The following ZNF570 variants were observed in gnomAD, a reference collection of about 807,000 sequenced individuals.
ZNF570 encodes the protein zinc finger protein 570.
A neutral mutation model predicts 14.2 loss-of-function variants in ZNF570; 8 were observed. The ratio of observed to expected loss-of-function variants is 0.56; its 90% CI spans 0.33 to 1.02. The LOEUF (loss-of-function observed/expected upper bound fraction) is 1.02. Ranked by LOEUF, ZNF570 falls within the 50% of genes least tolerant of loss-of-function variation. The probability of loss-of-function intolerance (pLI) is 0.03; values close to 1 mark genes in which losing one functional copy is unlikely to be tolerated. For synonymous variants in ZNF570, 202 were observed against 207.6 expected (o/e 0.97, Z 0.23); for missense variants, 559 against 624.9 (o/e 0.89, Z 1.12).
At chr19:37,479,076 C>A (rs1008270012) in intron 4 of ZNF570, among the ~76,000 whole-genome samples, 3 of 151,068 alleles carry the variant, frequency 2.0e-5, no homozygotes, top group Non-Finnish European at 3.0e-5. Context: ...TTTGGTAGAA[C>A]TTTGTTCATT....
chr19:37,483,179 T>C (rs2042107436), intron 4 of ZNF570, among the ~76,000 whole-genome samples: 1 of 152,192 alleles, frequency 6.6e-6, no homozygotes. Context: ...TTCTTAATAT[T>C]CCCCAGACAT....
At chr19:37,477,548 G>T (rs1373521736) in intron 4 of ZNF570, among the ~76,000 whole-genome samples, 1 of 151,564 alleles carries the variant, frequency 6.6e-6, no homozygotes. Context: ...CACCATGTTG[G>T]CCACGCTGGT....
chr19:37,476,833 C>T (rs1568766791), intron 4 of ZNF570, among the ~76,000 whole-genome samples: 1 of 151,182 alleles, frequency 6.6e-6, no homozygotes, highest in African/African-American at 2.4e-5. Context: ...ATTCAGCCTT[C>T]CCAGGAGCTG....
At chr19:37,468,708 A>T (rs113781745), upstream of ZNF570, among the ~76,000 whole-genome samples, 9 of 152,096 alleles carry the variant, frequency 5.9e-5, no homozygotes, top group African/African-American at 2.2e-4. Context: ...GGGTTTCACC[A>T]TGTTGGTCAG....
rs4802702 is a variant in ZNF570, at chr19:37,483,897, A to G, written c.275A>G (p.Glu92Gly). 2.9e-4 allele frequency: 466 copies of G among 1,610,596 alleles called. 3 individuals are homozygous for G. In the Admixed American group the frequency reaches 7.5e-3, roughly 26 times the overall value. ...GLCSGWEPIC[E>G]TEELTPKQDF... ...TTTTCAGGCTGGGAGCCTATATGTG[A>G]GACTGAAGAATTAACCCCAAAGCAG... The change falls in exon 5 of 5, where the codon GAG (glutamate) becomes GGG (glycine). Residue 92 changes from glutamate (E) to glycine (G), a missense_variant. Transcript: ENST00000330173.
chr19:37,469,051 TG>T (rs2041904446), upstream of ZNF570: 1 of 994,050 alleles, frequency 1.0e-6, no homozygotes. Flanking sequence ...GCAGAGCGCT[TG>T]TGCCTGCGCA....
In ZNF570 at chr19:37,484,528, CGAATGTAAGGTAT is replaced by C; in HGVS notation, c.908_920del (p.Glu303ValfsTer233). 1 of 1,613,562 alleles carries C rather than the reference CGAATGTAAGGTAT, an allele frequency of 6.2e-7. No homozygotes were observed. The highest frequency in any genetic ancestry group is 2.2e-5 in the East Asian group (1 of 44,836). On this transcript the variant is annotated frameshift_variant, in exon 5 of 5. Transcript: ENST00000330173. LOFTEE classifies it low-confidence loss of function (END_TRUNC). ...GAGTTCATACTGGAGAAAAACCTTA[CGAATGTAAGGTAT>C]GTCGAAAAGCCTTCAGCCAGTTTGC...
rs1464271168 is a variant in ZNF570, at chr19:37,483,936, A to C, written c.314A>C (p.Glu105Ala). 4 of 1,613,480 alleles carry C rather than the reference A, an allele frequency of 2.5e-6. No homozygotes were observed. The highest frequency in any genetic ancestry group is 3.4e-6 in the Non-Finnish European group (4 of 1,179,862). ...ELTPKQDFYE[E>A]HQSQKIIETL... ...ACCCCAAAGCAGGATTTTTATGAAG[A>C]ACATCAATCCCAGAAGATAATAGAA... The change falls in exon 5 of 5, where the codon GAA becomes GCA. Residue 105 changes from glutamate to alanine, a missense_variant. Transcript: ENST00000330173.
At position 37,484,174 on chromosome 19, in the gene ZNF570, C is replaced by A; in HGVS notation, c.552C>A (p.Pro184=). Residue 184 remains proline (P), a synonymous_variant, in exon 5 of 5, where the codon CCC becomes CCA. Transcript: ENST00000330173. ...TGCTTTGTACACAAAAGATAATCCCCAAAGAGGAGAAAGTACATAAACATG... is the reference window on the plus strand; with the variant it reads ...TGCTTTGTACACAAAAGATAATCCCAAAAGAGGAGAAAGTACATAAACATG... The part of the protein sequence containing the change: ...NPLLCTQKII[P]KEEKVHKHDT... The A allele has an allele frequency of 6.2e-7, 1 of 1,613,600 alleles. No homozygotes were observed. Among genetic ancestry groups the A allele is most frequent in the Non-Finnish European group, 8.5e-7 (1 of 1,179,918 alleles).
chr19:37,480,810 G>T (rs902507409), intron 4 of ZNF570, among the ~76,000 whole-genome samples: 1 of 151,870 alleles, frequency 6.6e-6, no homozygotes, highest in South Asian at 2.1e-4. Flanking sequence ...AATTAGCTGG[G>T]TATGGGGTGT....
At chr19:37,473,674 A>G (rs1227226743) in intron 2 of ZNF570, among the ~76,000 whole-genome samples, 2 of 152,110 alleles carry the variant, frequency 1.3e-5, no homozygotes, top group Non-Finnish European at 2.9e-5. Context: ...GAATGACTGT[A>G]GAAGCGTAGA....
rs538424136 is a variant in ZNF570, at chr19:37,483,737, T to C, written c.257-142T>C. On this transcript the variant is annotated intron_variant, in intron 4 of 4. Transcript: ENST00000330173. Reference sequence around the variant, plus strand: ...ATGACCTGTTTTCAGTTTCTCTTCTTGTACACTTCAGAACTGCAAAAGCCA... The same window carrying C: ...ATGACCTGTTTTCAGTTTCTCTTCTCGTACACTTCAGAACTGCAAAAGCCA... 3.4e-5 allele frequency: 26 copies of C among 762,734 alleles called. No homozygotes were observed. The South Asian group carries it at 6.0e-4, about 17-fold the overall frequency. The allele number at this position is 762,734 out of a possible 1,614,324, so 47.2% of individuals were successfully genotyped here.
intron 4 of ZNF570, among the ~76,000 whole-genome samples, chr19:37,476,871 A>G (rs561214141): frequency 1.2e-3 from 185 of 151,922 alleles, no homozygotes; most frequent in Non-Finnish European, 1.8e-3. Context: ...CACCACGCCC[A>G]GCTAATTTTT....
chr19:37,470,208 T>C (rs1165678887), intron 1 of ZNF570, 96 bp from the exon 2 acceptor site: 1 of 1,135,114 alleles, frequency 8.8e-7, no homozygotes, highest in African/African-American at 1.5e-5. Flanking sequence ...GAGGGAAGGT[T>C]GCAAGAGGAG....
chr19:37,469,096 C>T, upstream of ZNF570: 2 of 1,043,732 alleles, frequency 1.9e-6, no homozygotes, highest in Non-Finnish European at 2.3e-6. Context: ...TGACGCTGGG[C>T]CCCGTCCCTG....
At chr19:37,469,038 C>A, upstream of ZNF570, 11 of 989,074 alleles carry the variant, frequency 1.1e-5, no homozygotes, top group Non-Finnish European at 1.3e-5. Context: ...CTAAGGGAGG[C>A]GCGCAGAGCG....
At chr19:37,468,083 TTG>T (rs2041880961), upstream of ZNF570, 8 of 693,688 alleles carry the variant, frequency 1.2e-5, no homozygotes, top group African/African-American at 2.0e-5. Context: ...TTTTTTTTTT[TTG>T]TTTGTTTTGT....
intron 2 of ZNF570, among the ~76,000 whole-genome samples, chr19:37,471,879 T>TA (rs1036330950): frequency 2.6e-5 from 4 of 151,856 alleles, no homozygotes; most frequent in African/African-American, 9.7e-5. Context: ...ATCAGGAAAT[T>TA]AGAGACTTCA....
chr19:37,481,467 T>A (rs929520425), intron 4 of ZNF570, among the ~76,000 whole-genome samples: 2 of 152,250 alleles, frequency 1.3e-5, no homozygotes, highest in Non-Finnish European at 2.9e-5. Context: ...ATTATTTTTA[T>A]GAGTGCTTTA....
Sources: allele counts gnomAD v4.1 joint callset (sites outside exome capture counted in the v4.1 genomes callset), GRCh38; gene constraint gnomAD v4.1.1; transcripts MANE v1.5; gene names NCBI Gene and HGNC (gene_info 2026-07-23, HGNC 2026-07-21).